SERPINA10: variants seen among roughly 807,000 people sequenced by gnomAD.
SERPINA10 encodes the protein serpin family A member 10, also known as protein Z-dependent protease inhibitor.
Under a neutral mutation model 28.0 loss-of-function variants are expected in SERPINA10, and 24 were observed. That is an observed-to-expected ratio of 0.86 (90% CI 0.62 to 1.20). The LOEUF is 1.20. SERPINA10 is among the 50% of genes most tolerant of loss of function. SERPINA10 has a pLI of 0.00. For missense variants in SERPINA10, 521 were observed against 537.7 expected (o/e 0.97, Z 0.31); for synonymous variants, 207 against 203.9 (o/e 1.02, Z -0.13).
At position 94,289,715 on chromosome 14, in the gene SERPINA10, G is replaced by A. The variant is rs2232705; in HGVS notation, c.718+161C>T. Among the ~76,000 whole-genome samples the A allele has an allele frequency of 6.4e-3, 975 of 152,296 alleles. 10 individuals are homozygous for A. Among genetic ancestry groups the A allele is most frequent in the African/African-American group, 0.021 (862 of 41,542 alleles). On this transcript the variant is annotated intron_variant, in intron 2 of 4. Coordinates refer to ENST00000261994, the MANE Select transcript of SERPINA10 (RefSeq NM_001100607.3). ...CCAGGGAAGGGCCTCAAATGACAGC[G>A]TCTGGCACTGTTCAATATGTGTATC...
At chr14:94,289,073 TAG>T (rs1383975723) in intron 2 of SERPINA10, among the ~76,000 whole-genome samples, 1 of 152,240 alleles carries the variant, frequency 6.6e-6, no homozygotes, top group Non-Finnish European at 1.5e-5. Flanking sequence ...CAGAGGCTAC[TAG>T]CAGGCAGGTA....
chr14:94,290,615 G>GGAGT lies in SERPINA10; in HGVS notation c.-26_-23dup. 6.2e-7 allele frequency: 1 copy of GGAGT among 1,611,954 alleles called. No homozygotes were observed. The highest frequency in any genetic ancestry group is 8.5e-7 in the Non-Finnish European group (1 of 1,179,550). On this transcript the variant is annotated 5_prime_UTR_variant, in exon 2 of 5. Coordinates refer to ENST00000261994, the MANE Select transcript of SERPINA10 (RefSeq NM_001100607.3). Reference sequence around the variant, plus strand: ...TCATGTGATCGGCTGCGGAGGCCAAGGAGTGCCTCCCTTCAGCTGCAAGAC... The same window carrying GGAGT: ...TCATGTGATCGGCTGCGGAGGCCAAGGAGTGAGTGCCTCCCTTCAGCTGCAAGAC...
At chr14:94,292,747 CA>C in intron 1 of SERPINA10, 3 of 696,898 alleles carry the variant, frequency 4.3e-6, no homozygotes, top group Non-Finnish European at 7.9e-6. Flanking sequence ...GCCAGGAGCT[CA>C]GGGGGTGCTC....
chr14:94,290,574 A>G lies in SERPINA10; in HGVS notation c.20T>C (p.Leu7Pro), dbSNP rs1895149687. 1 of 1,612,608 alleles carries G rather than the reference A, an allele frequency of 6.2e-7. No homozygotes were observed. The highest frequency in any genetic ancestry group is 8.5e-7 in the Non-Finnish European group (1 of 1,179,928). ...CTGTGCCAGGAGGACGGAGAGCAGGAGACTTGGCACCACCTTCATGTGATC... is the reference window on the plus strand; with the variant it reads ...CTGTGCCAGGAGGACGGAGAGCAGGGGACTTGGCACCACCTTCATGTGATC... MKVVPS[L>P]LLSVLLAQVW... The change falls in exon 2 of 5, where the codon CTC becomes CCC. Residue 7 changes from leucine (L) to proline (P), a missense_variant. By Grantham distance (98) the Leu-to-Pro change is moderately conservative. Coordinates refer to ENST00000261994, the MANE Select transcript of SERPINA10 (RefSeq NM_001100607.3).
Position 94,284,099 on chromosome 14 carries a change from T to C in SERPINA10, c.1201A>G (p.Ile401Val). The change falls in exon 5 of 5, where the codon ATC becomes GTC. Residue 401 changes from isoleucine (I) to valine (V), a missense_variant. Ile to Val is a conservative substitution (Grantham distance 29, BLOSUM62 3). Coordinates refer to ENST00000261994, the MANE Select transcript of SERPINA10 (RefSeq NM_001100607.3). Reference sequence around the variant, plus strand: ...GAATAAGCAGTAATTTCTGACAAGATTCCTGCCACTGCCTCAGTGCCCCTT... The same window carrying C: ...GAATAAGCAGTAATTTCTGACAAGACTCCTGCCACTGCCTCAGTGCCCCTT... ...DERGTEAVAGILSEITAYSMP... is the reference protein window; with the variant it reads ...DERGTEAVAGVLSEITAYSMP... 4.3e-6 allele frequency: 7 copies of C among 1,614,194 alleles called. No individual in the cohort carries two copies. Among genetic ancestry groups the C allele is most frequent in the Non-Finnish European group, 5.9e-6 (7 of 1,180,014 alleles).
intron 3 of SERPINA10, among the ~76,000 whole-genome samples, chr14:94,286,717 T>C (rs1246367962): frequency 1.3e-5 from 2 of 152,216 alleles, no homozygotes; most frequent in Admixed American, 6.5e-5. Context: ...TTTTGTATAC[T>C]GGAGTCCTCC....
chr14:94,287,575 G>A (rs968852290), intron 3 of SERPINA10, among the ~76,000 whole-genome samples: 2 of 152,154 alleles, frequency 1.3e-5, no homozygotes, highest in South Asian at 2.1e-4. Flanking sequence ...CAACACAGGA[G>A]CTTATGTGAT....
chr14:94,286,169 A>C lies in SERPINA10; in HGVS notation c.1082T>G (p.Phe361Cys). 6.2e-7 allele frequency: 1 copy of C among 1,614,108 alleles called. No individual in the cohort carries two copies. Reference protein sequence around the residue: ...LLRQMGIRRIFSPFADLSELS... With the variant: ...LLRQMGIRRICSPFADLSELS... The stretch of plus-strand genomic sequence containing the variant: ...TTCACTAAGGTCAGCAAAGGGTGAG[A>C]AGATTCTTCTGATTCCCATCTGCCT... The change falls in exon 4 of 5, where the codon TTC (phenylalanine) becomes TGC (cysteine). Residue 361 changes from phenylalanine (F) to cysteine (C), a missense_variant. Phe to Cys is a radical substitution (Grantham distance 205). Coordinates refer to ENST00000261994, the MANE Select transcript of SERPINA10 (RefSeq NM_001100607.3).
intron 4 of SERPINA10, 129 bp downstream of exon 4, chr14:94,285,970 CTATTTCAAG>C (rs1472145920): frequency 9.8e-7 from 1 of 1,022,728 alleles, no homozygotes; most frequent in African/African-American, 1.6e-5. Context: ...AACCTGGGTG[CTATTTCAAG>C]TATTTGGGAC....
rs1895090977 is a variant in SERPINA10 at position 94,288,853 on chromosome 14, G to T, written c.719-294C>A. ...GGGAAATGTTTCCTAACAATCCCTG[G>T]CTCCTCTCATTGTCCTGGACCTGAA... is the stretch of plus-strand genomic sequence containing the variant. On this transcript the variant is annotated intron_variant, in intron 2 of 4. Transcript: ENST00000261994. Among the ~76,000 whole-genome samples, 3 of 152,262 alleles carry T rather than the reference G, an allele frequency of 2.0e-5. No individual in the cohort carries two copies. In the South Asian group the frequency reaches 6.2e-4, roughly 32 times the overall value.
At chr14:94,286,322 G>T in intron 3 of SERPINA10, 64 bp from the exon 4 acceptor site, 1 of 1,582,944 alleles carries the variant, frequency 6.3e-7, no homozygotes, top group Non-Finnish European at 8.6e-7. Context: ...ACACCAAAAA[G>T]GTCACAATTT....
chr14:94,291,023 A>C (rs1409078728), intron 1 of SERPINA10, among the ~76,000 whole-genome samples: 1 of 152,142 alleles, frequency 6.6e-6, no homozygotes, highest in East Asian at 1.9e-4. Flanking sequence ...GATCTGCTTC[A>C]TTCACTGCCC....
At position 94,283,093 on chromosome 14, in the gene SERPINA10, C is replaced by T. The variant is rs947294919; in HGVS notation, c.*872G>A. ...ATTAAAATAAAACACTTATTTTGCA[C>T]CAGAGAGAAGGAAAGAGAGAGAAGC... is the stretch of plus-strand genomic sequence containing the variant. On this transcript the variant is annotated 3_prime_UTR_variant, in exon 5 of 5. Coordinates refer to ENST00000261994, the MANE Select transcript of SERPINA10 (RefSeq NM_001100607.3). 1.3e-5 allele frequency: 2 copies of T among 152,088 alleles called. No individual in the cohort carries two copies. The highest frequency in any genetic ancestry group is 2.9e-5 in the Non-Finnish European group (2 of 68,046). 9.4% of individuals were successfully genotyped at this position (152,088 alleles called of 1,614,324 possible).
At position 94,283,741 on chromosome 14, in the gene SERPINA10, T is replaced by C. The variant is rs1477592076; in HGVS notation, c.*224A>G. On this transcript the variant is annotated 3_prime_UTR_variant, in exon 5 of 5. Coordinates refer to ENST00000261994, the MANE Select transcript of SERPINA10 (RefSeq NM_001100607.3). Reference sequence around the variant, plus strand: ...AGGTATGTATGTGTAGGAAAAAATATATATAAGGTTCAGCACTGTCCACCG... The same window carrying C: ...AGGTATGTATGTGTAGGAAAAAATACATATAAGGTTCAGCACTGTCCACCG... The C allele has an allele frequency of 8.7e-6, 5 of 574,002 alleles. No homozygotes were observed. The Admixed American group carries it at 1.6e-4, about 18-fold the overall frequency. The allele number at this position is 574,002 out of a possible 1,614,324, so 35.6% of individuals were successfully genotyped here.
chr14:94,284,120 CCCTTTCA>C lies in SERPINA10; in HGVS notation c.1173_1179del (p.Asp391GlufsTer31). On this transcript the variant is annotated frameshift_variant, in exon 5 of 5. Transcript: ENST00000261994. LOFTEE classifies it low-confidence loss of function (END_TRUNC). ...AAGATTCCTGCCACTGCCTCAGTGC[CCCTTTCA>C]TCAACTTCAATCACTGTTCTTTGTA... The C allele has an allele frequency of 6.2e-7, 1 of 1,614,136 alleles. No individual in the cohort carries two copies. Among genetic ancestry groups the C allele is most frequent in the Non-Finnish European group, 8.5e-7 (1 of 1,179,996 alleles).
chr14:94,284,484 C>T (rs1051607947), intron 4 of SERPINA10, among the ~76,000 whole-genome samples: 1 of 152,206 alleles, frequency 6.6e-6, no homozygotes, highest in African/African-American at 2.4e-5. Context: ...TTGAGCTGAG[C>T]TGGTGCTCCT....
Position 94,281,242 on chromosome 14 carries a change from C to G in SERPINA10, c.*2723G>C, listed in dbSNP as rs1320944458. 1 of 152,168 alleles carries G rather than the reference C, an allele frequency of 6.6e-6. No individual in the cohort carries two copies. The highest frequency in any genetic ancestry group is 2.1e-4 in the South Asian group (1 of 4,828). The allele number at this position is 152,168 out of a possible 1,614,324, so 9.4% of individuals were successfully genotyped here. On this transcript the variant is annotated 3_prime_UTR_variant, in exon 5 of 5. Coordinates refer to ENST00000261994, the MANE Select transcript of SERPINA10 (RefSeq NM_001100607.3). ...ACAAGGTCAGGAGATCAAGACCATC[C>G]TGACTAACACAGTGAAACCCCATCT...
At chr14:94,286,360 G>A in intron 3 of SERPINA10, 102 bp from the exon 4 acceptor site, 1 of 1,266,318 alleles carries the variant, frequency 7.9e-7, no homozygotes, top group Admixed American at 1.7e-5. Flanking sequence ...TTCCATTAAT[G>A]AGTCTTTCAG....
rs1471574685 is a variant in SERPINA10, at chr14:94,288,416, G to A, written c.862C>T (p.Leu288Phe). ...GCATTTCCTTGGTAGGGCAGTTTGA[G>A]GACATGACAACGAAAATTCTTGTCA... ...TFDKNFRCHV[L>F]KLPYQGNATM... Residue 288 changes from leucine (L) to phenylalanine (F), a missense_variant, in exon 3 of 5, where the codon CTC becomes TTC. Physicochemically the swap from Leu to Phe is conservative, Grantham distance 22. Transcript: ENST00000261994. 1.2e-6 allele frequency: 2 copies of A among 1,614,002 alleles called. No individual in the cohort carries two copies. Among genetic ancestry groups the A allele is most frequent in the Non-Finnish European group, 1.7e-6 (2 of 1,180,038 alleles).
Sources: gnomAD v4.1 joint callset for allele counts (sites outside exome capture counted in the v4.1 genomes callset) on GRCh38, gnomAD v4.1.1 for gene constraint, MANE v1.5 for transcripts, NCBI Gene and HGNC (gene_info 2026-07-23, HGNC 2026-07-21) for gene names.